Variants in GFRA2 observed in about 807,000 individuals in gnomAD.
The protein encoded by GFRA2 is GDNF family receptor alpha 2, also known as GDNF family receptor alpha-2.
Under a neutral mutation model 48.3 loss-of-function variants are expected in GFRA2, and 17 were observed. The ratio of observed to expected loss-of-function variants is 0.35; its 90% CI spans 0.24 to 0.53. The LOEUF (loss-of-function observed/expected upper bound fraction) is 0.53. Among genes scored for constraint, GFRA2 ranks in the 20% least tolerant of loss-of-function variants. The pLI, the probability that GFRA2 is intolerant of heterozygous loss-of-function variation, is 0.93. For synonymous variants in GFRA2, 305 were observed against 257.2 expected (o/e 1.19, Z -1.78); for missense variants, 660 against 637.3 (o/e 1.04, Z -0.38).
chr8:21,693,522 C>T (rs2117305753), intron 8 of GFRA2, 122 bp from the exon 9 acceptor site: 1 of 863,024 alleles, frequency 1.2e-6, no homozygotes, highest in Non-Finnish European at 1.7e-6. Flanking sequence ...CCCCTGTCCT[C>T]TCTTCCACCC....
intron 3 of GFRA2, among the ~76,000 whole-genome samples, chr8:21,753,850 A>T (rs1367385638): frequency 6.6e-6 from 1 of 152,106 alleles, no homozygotes; most frequent in Non-Finnish European, 1.5e-5. Context: ...CTCACCTCCT[A>T]TTCCTTTCTC....
At chr8:21,798,324 G>A in intron 2 of GFRA2, among the ~76,000 whole-genome samples, 1 of 152,296 alleles carries the variant, frequency 6.6e-6, no homozygotes, top group Admixed American at 6.5e-5. Context: ...CCCATGGTCA[G>A]CCCTCAGGAA....
intron 2 of GFRA2, 23 bp downstream of exon 2, chr8:21,782,562 G>A: frequency 6.5e-7 from 1 of 1,537,016 alleles, no homozygotes; most frequent in South Asian, 1.2e-5. Flanking sequence ...CCCTCCCCTT[G>A]GGCAAGCCCC....
At chr8:21,723,536 C>T (rs949531599) in intron 4 of GFRA2, among the ~76,000 whole-genome samples, 10 of 152,198 alleles carry the variant, frequency 6.6e-5, no homozygotes, top group Non-Finnish European at 1.0e-4. Context: ...CCCCAGAGAG[C>T]CTGGATAAAT....
At chr8:21,733,884 CCTCCCCAGG>C in intron 4 of GFRA2, among the ~76,000 whole-genome samples, 1 of 152,298 alleles carries the variant, frequency 6.6e-6, no homozygotes, top group South Asian at 2.1e-4. Flanking sequence ...AAACAACCAC[CCTCCCCAGG>C]CTCCGACAAA....
intron 2 of GFRA2, among the ~76,000 whole-genome samples, chr8:21,777,866 G>A (rs1806786095): frequency 6.6e-6 from 1 of 152,194 alleles, no homozygotes; most frequent in Non-Finnish European, 1.5e-5. Flanking sequence ...CAGTTTCCCT[G>A]CCAGATGGTA....
chr8:21,811,379 A>G (rs2117125953), intron 1 of GFRA2, among the ~76,000 whole-genome samples: 1 of 152,252 alleles, frequency 6.6e-6, no homozygotes, highest in African/African-American at 2.4e-5. Context: ...ATGTGACTTT[A>G]CCAGCTCTTA....
At chr8:21,751,023 C>T in intron 3 of GFRA2, 81 bp from the exon 4 acceptor site, 1 of 924,220 alleles carries the variant, frequency 1.1e-6, no homozygotes, top group Non-Finnish European at 1.7e-6. Context: ...GAAGATGTCT[C>T]CCAGTACTCG....
chr8:21,694,092 T>TATATA (rs1221616880), intron 8 of GFRA2, among the ~76,000 whole-genome samples: 14 of 138,546 alleles, frequency 1.0e-4, no homozygotes, highest in South Asian at 2.3e-4. Flanking sequence ...TATATATATA[T>TATATA]TTCCTATAGT....
chr8:21,717,187 A>C (rs1291119966), intron 4 of GFRA2, among the ~76,000 whole-genome samples: 4 of 152,224 alleles, frequency 2.6e-5, no homozygotes, highest in African/African-American at 4.8e-5. Context: ...CTTCAAGGAG[A>C]GCAACTCCGA....
chr8:21,731,937 G>C (rs1052669254), intron 4 of GFRA2, among the ~76,000 whole-genome samples: 1 of 152,252 alleles, frequency 6.6e-6, no homozygotes, highest in Non-Finnish European at 1.5e-5. Context: ...TTCACCCAGA[G>C]TCAAGAATAA....
chr8:21,777,507 G>A (rs1806765607), intron 2 of GFRA2, among the ~76,000 whole-genome samples: 1 of 152,214 alleles, frequency 6.6e-6, no homozygotes, highest in Non-Finnish European at 1.5e-5. Flanking sequence ...ATTCACCAGT[G>A]AGAAATCCCG....
intron 4 of GFRA2, among the ~76,000 whole-genome samples, chr8:21,709,538 C>T (rs973355516): frequency 3.5e-4 from 53 of 152,214 alleles, no homozygotes; most frequent in African/African-American, 1.2e-3. Context: ...ATGGGAATGG[C>T]AAGCGTGGAC....
chr8:21,786,972 C>G (rs998653286), intron 1 of GFRA2, among the ~76,000 whole-genome samples: 1 of 152,150 alleles, frequency 6.6e-6, no homozygotes, highest in South Asian at 2.1e-4. Flanking sequence ...CTGAAGCAGA[C>G]GTGTGCTCCT....
chr8:21,735,393 A>G (rs895699974), intron 4 of GFRA2, among the ~76,000 whole-genome samples: 16 of 148,264 alleles, frequency 1.1e-4, no homozygotes, highest in African/African-American at 3.7e-4. Flanking sequence ...CACCCCTGCC[A>G]GGCCCCTTGC....
rs1052348918 is a variant in GFRA2, at chr8:21,788,372, C to T, written c.-213G>A. On this transcript the variant is annotated 5_prime_UTR_variant, in exon 1 of 9. Transcript: ENST00000524240. ...TGAGAGGCGGGCGATGGGCTGCTGC[C>T]TCTCGACGCCCCCCTTGCCCGCTAC... is the stretch of plus-strand genomic sequence containing the variant. The T allele has an allele frequency of 1.1e-5, 15 of 1,344,480 alleles. No individual in the cohort carries two copies. The highest frequency in any genetic ancestry group is 1.4e-5 in the Non-Finnish European group (15 of 1,053,664). 83.3% of individuals were successfully genotyped at this position (1,344,480 alleles called of 1,614,324 possible).
At chr8:21,747,879 C>T (rs1230395057) in intron 4 of GFRA2, among the ~76,000 whole-genome samples, 1 of 152,098 alleles carries the variant, frequency 6.6e-6, no homozygotes, top group Non-Finnish European at 1.5e-5. Flanking sequence ...CATATACACA[C>T]TCTGTGAGAC....
chr8:21,715,205 A>T (rs1803271115), intron 4 of GFRA2, among the ~76,000 whole-genome samples: 1 of 152,042 alleles, frequency 6.6e-6, no homozygotes, highest in African/African-American at 2.4e-5. Flanking sequence ...TTATTCTTTA[A>T]CTGTACAGTG....
chr8:21,774,323 C>T (rs1806584452), intron 3 of GFRA2, among the ~76,000 whole-genome samples: 1 of 152,156 alleles, frequency 6.6e-6, no homozygotes, highest in East Asian at 1.9e-4. Context: ...AAAGCTAGAA[C>T]CCAATGGAGA....
Sources: gnomAD v4.1 joint callset for allele counts (sites outside exome capture counted in the v4.1 genomes callset) on GRCh38, gnomAD v4.1.1 for gene constraint, MANE v1.5 for transcripts, NCBI Gene and HGNC (gene_info 2026-07-23, HGNC 2026-07-21) for gene names.